The following PARD3 variants were observed in gnomAD, a reference collection of about 807,000 sequenced individuals.
PARD3 encodes the protein par-3 family cell polarity regulator.
PARD3 carries 75 observed loss-of-function variants against 155.4 expected under a neutral mutation model. The ratio of observed to expected loss-of-function variants is 0.48; its 90% CI spans 0.40 to 0.58. The LOEUF is 0.58. Ranked by LOEUF, PARD3 falls within the 20% of genes least tolerant of loss-of-function variation. PARD3 has a pLI of 0.00. For missense variants in PARD3, 1,642 were observed against 1,721.7 expected (o/e 0.95, Z 0.82); for synonymous variants, 576 against 610.5 (o/e 0.94, Z 0.83).
intron 22 of PARD3, among the ~76,000 whole-genome samples, chr10:34,237,447 C>CT (rs1953303447): frequency 6.6e-6 from 1 of 152,158 alleles, no homozygotes; most frequent in Non-Finnish European, 1.5e-5. Flanking sequence ...TACTTCTATA[C>CT]GCACTGTATA....
chr10:34,311,880 T>C (rs1321381706), intron 20 of PARD3, among the ~76,000 whole-genome samples: 1 of 152,222 alleles, frequency 6.6e-6, no homozygotes, highest in East Asian at 1.9e-4. Flanking sequence ...GATGGGTGAC[T>C]GTACCAGCCC....
At chr10:34,264,582 G>A (rs962247343) in intron 22 of PARD3, among the ~76,000 whole-genome samples, 2 of 152,070 alleles carry the variant, frequency 1.3e-5, no homozygotes, top group African/African-American at 2.4e-5. Context: ...AGGACAAAAT[G>A]AGTCAGCCCC....
chr10:34,708,018 A>G (rs1215963928), intron 1 of PARD3, among the ~76,000 whole-genome samples: 1 of 152,198 alleles, frequency 6.6e-6, no homozygotes, highest in Non-Finnish European at 1.5e-5. Context: ...TTTACTTCAA[A>G]TAGATAAAGC....
chr10:34,426,157 ATCTC>A (rs934398537), intron 5 of PARD3, among the ~76,000 whole-genome samples: 37 of 152,328 alleles, frequency 2.4e-4, no homozygotes, highest in African/African-American at 8.9e-4. Flanking sequence ...TTTAAATTGT[ATCTC>A]TATCACTTAC....
intron 2 of PARD3, among the ~76,000 whole-genome samples, chr10:34,559,657 T>C (rs1211382879): frequency 6.6e-6 from 1 of 152,232 alleles, no homozygotes; most frequent in Non-Finnish European, 1.5e-5. Flanking sequence ...CACTCATCAA[T>C]GCCACAATTT....
intron 22 of PARD3, among the ~76,000 whole-genome samples, chr10:34,138,803 A>G (rs943461049): frequency 6.6e-6 from 1 of 152,070 alleles, no homozygotes; most frequent in African/African-American, 2.4e-5. Context: ...CCTATGTACA[A>G]AATTCTATTC....
chr10:34,121,867 C>T (rs995217461), intron 23 of PARD3, among the ~76,000 whole-genome samples: 10 of 152,208 alleles, frequency 6.6e-5, no homozygotes, highest in Admixed American at 6.5e-4. Flanking sequence ...TTCACAACAC[C>T]GTTCAAATAA....
At chr10:34,594,194 T>C (rs2134397916) in intron 2 of PARD3, among the ~76,000 whole-genome samples, 1 of 152,308 alleles carries the variant, frequency 6.6e-6, no homozygotes, top group South Asian at 2.1e-4. Flanking sequence ...ACGTGTTTTG[T>C]TAGTAAGACT....
intron 2 of PARD3, among the ~76,000 whole-genome samples, chr10:34,672,910 T>C (rs2093634850): frequency 6.6e-6 from 1 of 152,236 alleles, no homozygotes; most frequent in Admixed American, 6.5e-5. Context: ...CTTAAAGACC[T>C]TGTCTTGCTT....
intron 21 of PARD3, among the ~76,000 whole-genome samples, chr10:34,277,859 C>T (rs1169680339): frequency 2.0e-5 from 3 of 152,086 alleles, no homozygotes; most frequent in African/African-American, 4.8e-5. Flanking sequence ...AGCCTTTGTG[C>T]TTAGGGGGAG....
In PARD3 at chr10:34,340,328, G is replaced by C. The variant is rs144169204; in HGVS notation, c.2408+1299C>G. On this transcript the variant is annotated intron_variant, in intron 16 of 24. Coordinates refer to ENST00000374788, the MANE Select transcript of PARD3 (RefSeq NM_001184785.2). ...TGAACACTGCGTCTATCTAATCCTT[G>C]CTTTCTCTGTTGTTGCTACTTTCAT... Among the ~76,000 whole-genome samples, 342 of 152,212 alleles carry C rather than the reference G, an allele frequency of 2.2e-3. 10 individuals are homozygous for C. The East Asian group carries it at 0.061, about 27-fold the overall frequency.
At chr10:34,491,028 C>T (rs1051106587) in intron 3 of PARD3, among the ~76,000 whole-genome samples, 2 of 152,134 alleles carry the variant, frequency 1.3e-5, no homozygotes, top group Non-Finnish European at 2.9e-5. Context: ...CCTAAGGGAC[C>T]TCATGAAAAA....
intron 18 of PARD3, among the ~76,000 whole-genome samples, chr10:34,333,942 T>C (rs1001940803): frequency 6.6e-6 from 1 of 151,884 alleles, no homozygotes; most frequent in African/African-American, 2.4e-5. Context: ...CAAATGTCTT[T>C]AGAAAAAAAA....
intron 5 of PARD3, among the ~76,000 whole-genome samples, chr10:34,443,462 TGTTACA>T (rs1405960967): frequency 6.6e-6 from 1 of 152,132 alleles, no homozygotes; most frequent in East Asian, 1.9e-4. Flanking sequence ...TTAATGGACA[TGTTACA>T]GTTCCATGCG....
In PARD3 at chr10:34,161,139, G is replaced by A. The variant is rs539304422; in HGVS notation, c.3420-29556C>T. The stretch of plus-strand genomic sequence containing the variant: ...GCACACCTGTAGTTCCAGCTACTTG[G>A]GAGGCTGAGATGGGAGGATCACTTG... On this transcript the variant is annotated intron_variant, in intron 22 of 24. Transcript: ENST00000374788. Among the ~76,000 whole-genome samples, 8 of 151,976 alleles carry A rather than the reference G, an allele frequency of 5.3e-5. No individual in the cohort carries two copies. In the South Asian group the frequency reaches 8.4e-4, roughly 16 times the overall value.
At chr10:34,192,491 C>T (rs565201816) in intron 22 of PARD3, among the ~76,000 whole-genome samples, 1 of 152,290 alleles carries the variant, frequency 6.6e-6, no homozygotes, top group African/African-American at 2.4e-5. Flanking sequence ...CCACACAGAT[C>T]TTATATTTCT....
chr10:34,572,140 A>G (rs2086463736), intron 2 of PARD3, among the ~76,000 whole-genome samples: 1 of 152,210 alleles, frequency 6.6e-6, no homozygotes, highest in African/African-American at 2.4e-5. Flanking sequence ...TACTGATGCT[A>G]TAAGGAAGAA....
intron 3 of PARD3, among the ~76,000 whole-genome samples, chr10:34,512,362 T>A (rs1429528895): frequency 6.6e-6 from 1 of 152,200 alleles, no homozygotes; most frequent in Admixed American, 6.5e-5. Context: ...ATGCATGTAT[T>A]GCTGTTGCTA....
intron 2 of PARD3, among the ~76,000 whole-genome samples, chr10:34,584,280 ATGT>A (rs2087788559): frequency 6.6e-6 from 1 of 152,144 alleles, no homozygotes; most frequent in South Asian, 2.1e-4. Flanking sequence ...TGAATCACTG[ATGT>A]TGTCTCAGAA....
Sources: allele counts gnomAD v4.1 joint callset (sites outside exome capture counted in the v4.1 genomes callset), GRCh38; gene constraint gnomAD v4.1.1; transcripts MANE v1.5; gene names NCBI Gene and HGNC (gene_info 2026-07-23, HGNC 2026-07-21).